The following MYBL1 variants were observed in gnomAD, a reference collection of about 807,000 sequenced individuals.
The protein encoded by MYBL1 is MYB proto-oncogene like 1, also known as myb-related protein A.
In MYBL1, 17 loss-of-function variants were observed where a neutral mutation model predicts 96.3. The observed-to-expected ratio is 0.18, with a 90% CI of 0.12 to 0.26. The LOEUF (loss-of-function observed/expected upper bound fraction) is 0.26, where lower values mean the gene tolerates loss of function less well. Ranked by LOEUF, MYBL1 falls within the 10% of genes least tolerant of loss-of-function variation. MYBL1 has a pLI of 1.00. For missense variants in MYBL1, 701 were observed against 882.9 expected (o/e 0.79, Z 2.61); for synonymous variants, 282 against 292.7 (o/e 0.96, Z 0.37).
intron 8 of MYBL1, among the ~76,000 whole-genome samples, chr8:66,585,983 C>T (rs561220204): frequency 6.3e-5 from 9 of 142,288 alleles, no homozygotes; most frequent in African/African-American, 2.3e-4. Flanking sequence ...CTAGACTAGA[C>T]AAAAAAATCA....
intron 1 of MYBL1, among the ~76,000 whole-genome samples, chr8:66,609,598 T>A (rs973215965): frequency 2.0e-4 from 30 of 152,162 alleles, no homozygotes; most frequent in African/African-American, 6.3e-4. Context: ...ACTAGCAGTA[T>A]TATAGTAAGA....
intron 15 of MYBL1, chr8:66,565,550 A>G (rs189131522): frequency 6.6e-6 from 1 of 152,332 alleles, no homozygotes; most frequent in East Asian, 1.9e-4. Flanking sequence ...TGAACTCTCA[A>G]ATTCTCTGGG....
At chr8:66,583,741 T>A (rs1466531015) in intron 8 of MYBL1, among the ~76,000 whole-genome samples, 2 of 152,132 alleles carry the variant, frequency 1.3e-5, no homozygotes, top group Non-Finnish European at 2.9e-5. Flanking sequence ...TGGATAGATA[T>A]AACCTATCAA....
chr8:66,611,451 T>C (rs1810523551), intron 1 of MYBL1, among the ~76,000 whole-genome samples: 1 of 152,188 alleles, frequency 6.6e-6, no homozygotes, highest in African/African-American at 2.4e-5. Context: ...TCCTGGGTGA[T>C]TTTGTCCCCC....
At position 66,580,055 on chromosome 8, in the gene MYBL1, T is replaced by C. The variant is rs1809136082; in HGVS notation, c.1101+78A>G. Reference sequence around the variant, plus strand: ...GCATACAAAACATAAAACTGGTCAATGTCCAAAACTGAGTTTCTGAGCATG... The same window carrying C: ...GCATACAAAACATAAAACTGGTCAACGTCCAAAACTGAGTTTCTGAGCATG... On this transcript the variant is annotated intron_variant, in intron 9 of 15. Coordinates refer to ENST00000522677, the MANE Select transcript of MYBL1 (RefSeq NM_001080416.4). The C allele has an allele frequency of 2.0e-5, 21 of 1,056,690 alleles. No individual in the cohort carries two copies. The Middle Eastern group carries it at 8.3e-4, about 42-fold the overall frequency. The allele number at this position is 1,056,690 out of a possible 1,614,324, so 65.5% of individuals were successfully genotyped here.
intron 8 of MYBL1, among the ~76,000 whole-genome samples, chr8:66,589,403 C>T (rs553302581): frequency 6.6e-6 from 1 of 152,072 alleles, no homozygotes; most frequent in South Asian, 2.1e-4. Context: ...GCCTCAAACC[C>T]CTGAGCTTAA....
At chr8:66,570,450 C>T (rs954577369) in intron 12 of MYBL1, among the ~76,000 whole-genome samples, 1 of 152,014 alleles carries the variant, frequency 6.6e-6, no homozygotes, top group African/African-American at 2.4e-5. Context: ...TACTACCACA[C>T]CCAGCTATCA....
At chr8:66,569,618 T>C (rs1405036605) in intron 12 of MYBL1, among the ~76,000 whole-genome samples, 1 of 152,162 alleles carries the variant, frequency 6.6e-6, no homozygotes, top group Non-Finnish European at 1.5e-5. Context: ...CCCAAAGTGC[T>C]GGAATTACAG....
chr8:66,566,822 C>A (rs1468368567), intron 13 of MYBL1, 34 bp from the exon 14 acceptor site: 1 of 1,586,664 alleles, frequency 6.3e-7, no homozygotes, highest in Non-Finnish European at 8.6e-7. Context: ...AGCTTTATGG[C>A]AAAGTCTCTT....
chr8:66,571,146 C>A (rs1158695513), intron 12 of MYBL1, among the ~76,000 whole-genome samples: 2 of 152,116 alleles, frequency 1.3e-5, no homozygotes, highest in Non-Finnish European at 2.9e-5. Context: ...TTTTAAAAAT[C>A]GTATTTCTAA....
At position 66,564,698 on chromosome 8, in the gene MYBL1, T is replaced by C; in HGVS notation, c.2258A>G (p.Ter753=). 6.4e-7 allele frequency: 1 copy of C among 1,572,068 alleles called. No homozygotes were observed. Among genetic ancestry groups the C allele is most frequent in the South Asian group, 1.2e-5 (1 of 84,952 alleles). Residue 753 remains the stop codon, a stop_retained_variant, in exon 16 of 16, where the codon TAA becomes TGA. Transcript: ENST00000522677. ...TSSTSRALIL[*] ...GCATTTCATCAATTTTAATAACAATTACAGTATGAGAGCTCTTGAAGTACT... is the reference window on the plus strand; with the variant it reads ...GCATTTCATCAATTTTAATAACAATCACAGTATGAGAGCTCTTGAAGTACT...
chr8:66,582,361 A>C (rs1242540269), intron 8 of MYBL1, among the ~76,000 whole-genome samples: 1 of 151,984 alleles, frequency 6.6e-6, no homozygotes, highest in East Asian at 1.9e-4. Flanking sequence ...CTATGCAAAC[A>C]GAAACTAAAA....
chr8:66,598,059 C>A (rs1028383694), intron 4 of MYBL1, among the ~76,000 whole-genome samples: 14 of 152,004 alleles, frequency 9.2e-5, no homozygotes, highest in African/African-American at 3.1e-4. Flanking sequence ...CCCACTTTAC[C>A]TCACTGCCCT....
intron 1 of MYBL1, among the ~76,000 whole-genome samples, chr8:66,610,124 G>A (rs1219240563): frequency 6.6e-6 from 1 of 151,930 alleles, no homozygotes; most frequent in African/African-American, 2.4e-5. Context: ...ACTTTAAAGG[G>A]TAAAACTGAC....
rs1270909466 is a variant in MYBL1 at position 66,601,713 on chromosome 8, A to C, written c.183T>G (p.Ile61Met). ...EQHGTDDWTL[I>M]ASHLQNRSDF... Reference sequence around the variant, plus strand: ...TTTCACTTACTTGAAGATGACTAGCAATTAGAGTCCAATCATCAGTTCCAT... The same window carrying C: ...TTTCACTTACTTGAAGATGACTAGCCATTAGAGTCCAATCATCAGTTCCAT... Residue 61 changes from isoleucine (I) to methionine (M), a missense_variant, in exon 3 of 16, where the codon ATT (isoleucine) becomes ATG (methionine). Transcript: ENST00000522677. 2 of 1,514,352 alleles carry C rather than the reference A, an allele frequency of 1.3e-6. No individual in the cohort carries two copies. Among genetic ancestry groups the C allele is most frequent in the Non-Finnish European group, 1.8e-6 (2 of 1,116,224 alleles). 93.8% of individuals were successfully genotyped at this position (1,514,352 alleles called of 1,614,324 possible).
chr8:66,602,027 A>G (rs982451725), intron 2 of MYBL1, among the ~76,000 whole-genome samples: 3 of 152,114 alleles, frequency 2.0e-5, no homozygotes, highest in Non-Finnish European at 2.9e-5. Context: ...TTGTTTTTAA[A>G]TATCTTTCAT....
intron 6 of MYBL1, among the ~76,000 whole-genome samples, chr8:66,594,714 C>T (rs2129954064): frequency 6.6e-6 from 1 of 152,250 alleles, no homozygotes; most frequent in Non-Finnish European, 1.5e-5. Flanking sequence ...ACTGTCTTCA[C>T]ATGTTTTCCT....
At chr8:66,605,157 A>G (rs986195204) in intron 1 of MYBL1, among the ~76,000 whole-genome samples, 4 of 152,224 alleles carry the variant, frequency 2.6e-5, no homozygotes, top group Admixed American at 2.6e-4. Context: ...GTATAAATGA[A>G]ATGTTTTACA....
At chr8:66,584,266 T>G (rs972772265) in intron 8 of MYBL1, among the ~76,000 whole-genome samples, 19 of 152,142 alleles carry the variant, frequency 1.2e-4, no homozygotes, top group Non-Finnish European at 2.8e-4. Flanking sequence ...GCCAACATCA[T>G]ACTGAACAAG....
Sources: allele counts gnomAD v4.1 joint callset (sites outside exome capture counted in the v4.1 genomes callset), GRCh38; gene constraint gnomAD v4.1.1; transcripts MANE v1.5; gene names NCBI Gene and HGNC (gene_info 2026-07-23, HGNC 2026-07-21).